CCSER2: variants seen among roughly 807,000 people sequenced by gnomAD.
The protein encoded by CCSER2 is coiled-coil serine rich protein 2.
A neutral mutation model predicts 92.3 loss-of-function variants in CCSER2; 46 were observed. That is an observed-to-expected ratio of 0.50 (90% confidence interval 0.39 to 0.64). The LOEUF is 0.64. Among genes scored for constraint, CCSER2 ranks in the 30% least tolerant of loss-of-function variants. CCSER2 has a pLI of 0.00. For synonymous variants in CCSER2, 433 were observed against 431.4 expected, an observed-to-expected ratio of 1.00 and a Z score of -0.04; for missense variants, 1,244 against 1,238.9, an observed-to-expected ratio of 1.00 and a Z score of -0.06.
intron 9 of CCSER2, among the ~76,000 whole-genome samples, chr10:84,500,473 A>C (rs1021555860): frequency 2.0e-5 from 3 of 152,182 alleles, no homozygotes; most frequent in Admixed American, 1.3e-4. Context: ...TTTTTTCTAA[A>C]AGTGGTTTAA....
At chr10:84,406,340 C>T (rs996229218) in intron 3 of CCSER2, among the ~76,000 whole-genome samples, 3 of 152,128 alleles carry the variant, frequency 2.0e-5, no homozygotes, top group African/African-American at 7.2e-5. Context: ...ATCCTAATTG[C>T]GTAGGTGTTT....
chr10:84,437,003 A>G (rs1844198449), intron 5 of CCSER2, among the ~76,000 whole-genome samples: 1 of 152,252 alleles, frequency 6.6e-6, no homozygotes, highest in South Asian at 2.1e-4. Context: ...TTTAATTTTA[A>G]TCTTGATTTT....
chr10:84,426,940 G>T (rs1843468246), intron 5 of CCSER2, among the ~76,000 whole-genome samples: 1 of 152,160 alleles, frequency 6.6e-6, no homozygotes, highest in African/African-American at 2.4e-5. Context: ...GAGGGTCCCT[G>T]GTCAAATTAG....
chr10:84,514,355 T>TAC lies in CCSER2; in HGVS notation c.*88_*89insAC, dbSNP rs767311243. The TAC allele has an allele frequency of 2.1e-5, 20 of 930,926 alleles. No individual in the cohort carries two copies. Among genetic ancestry groups the TAC allele is most frequent in the Non-Finnish European group, 3.0e-5 (19 of 638,784 alleles). The allele number at this position is 930,926 out of a possible 1,614,324, so 57.7% of individuals were successfully genotyped here. On this transcript the variant is annotated 3_prime_UTR_variant, in exon 10 of 10. Coordinates refer to ENST00000372088, the MANE Select transcript of CCSER2 (RefSeq NM_001284240.2). Reference sequence around the variant, plus strand: ...TGCAGCTTGCAGCTTGCTACTGTGGTGGAGGTTCCATTGAAAGCCTGCAAA... The same window carrying TAC: ...TGCAGCTTGCAGCTTGCTACTGTGGTACGGAGGTTCCATTGAAAGCCTGCAAA...
chr10:84,335,367 C>T (rs1242049317), intron 1 of CCSER2, among the ~76,000 whole-genome samples: 1 of 150,558 alleles, frequency 6.6e-6, no homozygotes, highest in Non-Finnish European at 1.5e-5. Flanking sequence ...CTGTACTCAA[C>T]CTGTAGCTGG....
intron 1 of CCSER2, among the ~76,000 whole-genome samples, chr10:84,368,532 TCTACTTCTTAGG>T (rs1845902595): frequency 1.3e-5 from 2 of 152,180 alleles, no homozygotes; most frequent in South Asian, 4.1e-4. Flanking sequence ...TTATAGGAAC[TCTACTTCTTAGG>T]CCAGGGTTGA....
intron 1 of CCSER2, among the ~76,000 whole-genome samples, chr10:84,358,182 G>A (rs970781983): frequency 4.6e-5 from 7 of 152,210 alleles, no homozygotes; most frequent in Admixed American, 1.3e-4. Flanking sequence ...TATAGTTGCC[G>A]TTGAGAAGCC....
intron 3 of CCSER2, among the ~76,000 whole-genome samples, chr10:84,382,028 T>C (rs1283001768): frequency 2.6e-5 from 4 of 152,106 alleles, no homozygotes; most frequent in Admixed American, 6.5e-5. Context: ...TGTAACTCCA[T>C]TGGGAGAGGA....
intron 1 of CCSER2, among the ~76,000 whole-genome samples, chr10:84,347,363 G>A (rs934862148): frequency 8.6e-5 from 13 of 151,986 alleles, no homozygotes; most frequent in African/African-American, 3.1e-4. Flanking sequence ...CCGGGCAGAG[G>A]TGCCCCCCCA....
chr10:84,456,377 A>C (rs1172759848), intron 6 of CCSER2, among the ~76,000 whole-genome samples: 2 of 152,194 alleles, frequency 1.3e-5, no homozygotes, highest in Non-Finnish European at 1.5e-5. Flanking sequence ...ACATAATGCA[A>C]CTTGAAATAT....
Position 84,433,161 on chromosome 10 carries a change from T to A in CCSER2, c.1869-5351T>A, listed in dbSNP as rs2065844. 3.9e-5 allele frequency among the ~76,000 whole-genome samples: 6 copies of A among 151,990 alleles called. No individual in the cohort carries two copies. The South Asian group carries it at 1.0e-3, about 26-fold the overall frequency. ...TTGAGTAGTGTTAGGCCTTCGACTT[T>A]CTTCTTCTTCAATATTGTTTCGGAT... On this transcript the variant is annotated intron_variant, in intron 5 of 9. Transcript: ENST00000372088.
At chr10:84,480,179 G>A (rs1564707979) in intron 9 of CCSER2, among the ~76,000 whole-genome samples, 1 of 151,942 alleles carries the variant, frequency 6.6e-6, no homozygotes, top group Non-Finnish European at 1.5e-5. Context: ...CAAGTATCTG[G>A]GACCACAGGT....
Position 84,417,845 on chromosome 10 carries a change from T to C in CCSER2, c.1689T>C (p.Asp563=). 4 of 1,566,354 alleles carry C rather than the reference T, an allele frequency of 2.6e-6. No homozygotes were observed. The highest frequency in any genetic ancestry group is 1.3e-5 in the African/African-American group (1 of 74,106). The change falls in exon 4 of 10, where the codon GAT becomes GAC. Residue 563 remains aspartate, a synonymous_variant. Coordinates refer to ENST00000372088, the MANE Select transcript of CCSER2 (RefSeq NM_001284240.2). The part of the protein sequence containing the change: ...DLMLDVDLPE[D]APLENVECDN... ...TGCTTGATGTGGATCTGCCTGAGGATGCACCTCTTGAAAATGGTAAGTTGA... is the reference window on the plus strand; with the variant it reads ...TGCTTGATGTGGATCTGCCTGAGGACGCACCTCTTGAAAATGGTAAGTTGA...
At chr10:84,426,011 A>G (rs1403493776) in intron 5 of CCSER2, 118 bp downstream of exon 5, 1 of 574,136 alleles carries the variant, frequency 1.7e-6, no homozygotes, top group African/African-American at 1.9e-5. Flanking sequence ...AGAGGCACCA[A>G]AAAGCACTTC....
At chr10:84,506,008 C>A (rs919497366) in intron 9 of CCSER2, among the ~76,000 whole-genome samples, 2 of 151,854 alleles carry the variant, frequency 1.3e-5, no homozygotes, top group Admixed American at 1.3e-4. Flanking sequence ...CTGAACTACT[C>A]TACATCATCT....
At chr10:84,488,663 A>T (rs929125248) in intron 9 of CCSER2, among the ~76,000 whole-genome samples, 1 of 151,684 alleles carries the variant, frequency 6.6e-6, no homozygotes, top group African/African-American at 2.4e-5. Context: ...GCAGTATATC[A>T]ATTTTGTTGA....
chr10:84,342,717 C>T (rs1293319412), intron 1 of CCSER2, among the ~76,000 whole-genome samples: 2 of 152,048 alleles, frequency 1.3e-5, no homozygotes, highest in African/African-American at 2.4e-5. Flanking sequence ...GTGTACTACT[C>T]ATTCCCCCGC....
chr10:84,477,627 C>A lies in CCSER2; in HGVS notation c.2288C>A (p.Ala763Asp), dbSNP rs760627880. 9.9e-6 allele frequency: 16 copies of A among 1,611,834 alleles called. No homozygotes were observed. Among genetic ancestry groups the A allele is most frequent in the Non-Finnish European group, 1.4e-5 (16 of 1,178,404 alleles). The part of the protein sequence containing the change: ...QKCKEEKCTY[A>D]DKYTQTPWRR... Reference sequence around the variant, plus strand: ...TGTAAAGAGGAAAAATGCACTTATGCTGATAAATATACCCAAACACCCTGG... The same window carrying A: ...TGTAAAGAGGAAAAATGCACTTATGATGATAAATATACCCAAACACCCTGG... Residue 763 changes from alanine to aspartate, a missense_variant, in exon 9 of 10, where the codon GCT becomes GAT. Transcript: ENST00000372088.
At chr10:84,454,849 T>C (rs1845509496) in intron 6 of CCSER2, 1 of 153,520 alleles carries the variant, frequency 6.5e-6, no homozygotes, top group South Asian at 2.1e-4. Context: ...TTCTTTGCAC[T>C]TGATTTGGTT....
Sources: gnomAD v4.1 joint callset for allele counts (sites outside exome capture counted in the v4.1 genomes callset) on GRCh38, gnomAD v4.1.1 for gene constraint, MANE v1.5 for transcripts, NCBI Gene and HGNC (gene_info 2026-07-23, HGNC 2026-07-21) for gene names.